The following TENM1 variants were observed in gnomAD, a reference collection of about 807,000 sequenced individuals.
The protein encoded by TENM1 is teneurin transmembrane protein 1.
A neutral mutation model predicts 174.8 loss-of-function variants in TENM1; 35 were observed. That is an observed-to-expected ratio of 0.20 (90% CI 0.15 to 0.27). TENM1 has a LOEUF of 0.27. Ranked by LOEUF, TENM1 falls within the 10% of genes least tolerant of loss-of-function variation. The probability of loss-of-function intolerance (pLI) is 1.00; values close to 1 mark genes in which losing one functional copy is unlikely to be tolerated. For missense variants in TENM1, 1,633 were observed against 2,130.1 expected (o/e 0.77, Z 4.59); for synonymous variants, 781 against 798.7 (o/e 0.98, Z 0.37).
chrX:124,488,215 C>T (rs1428146030), intron 20 of TENM1, among the ~76,000 whole-genome samples: 1 of 111,952 alleles, frequency 8.9e-6, no homozygotes, highest in Middle Eastern at 4.2e-3. Context: ...GTCAAGTCTG[C>T]CCAGAATTAA....
intron 4 of TENM1, among the ~76,000 whole-genome samples, chrX:124,717,856 C>G: frequency 8.9e-6 from 1 of 111,958 alleles, no homozygotes; most frequent in Admixed American, 9.5e-5. Context: ...GACATCTGAT[C>G]TAGAAGAAAA....
intron 4 of TENM1, among the ~76,000 whole-genome samples, chrX:124,734,139 G>GAAAGA (rs200773301): frequency 0.031 from 3,424 of 111,127 alleles, 70 homozygotes; most frequent in Non-Finnish European, 0.041. Flanking sequence ...AATTAAAAAA[G>GAAAGA]AAAGAAAAGA....
intron 1 of TENM1, among the ~76,000 whole-genome samples, chrX:124,939,544 A>G (rs147369198): frequency 2.1e-3 from 230 of 111,783 alleles, no homozygotes; most frequent in Middle Eastern, 9.2e-3. Flanking sequence ...AATGATTACT[A>G]TAAGAAAAGG....
At chrX:124,748,326 T>G (rs970270112) in intron 3 of TENM1, among the ~76,000 whole-genome samples, 1 of 110,118 alleles carries the variant, frequency 9.1e-6, no homozygotes, top group Non-Finnish European at 1.9e-5. Context: ...ACAAAATGGG[T>G]TGCATGTCAA....
intron 21 of TENM1, among the ~76,000 whole-genome samples, chrX:124,482,333 A>G (rs761669166): frequency 2.4e-4 from 26 of 109,458 alleles, no homozygotes; most frequent in Middle Eastern, 9.2e-3. Context: ...ACATATCCAA[A>G]ACAGAAGTTA....
chrX:124,902,823 C>A (rs1005433477), intron 1 of TENM1, among the ~76,000 whole-genome samples: 17 of 112,350 alleles, frequency 1.5e-4, no homozygotes, highest in African/African-American at 4.5e-4. Context: ...AATTTAATTT[C>A]CTCCTTTCTT....
intron 5 of TENM1, among the ~76,000 whole-genome samples, chrX:124,681,209 C>T (rs185981937): frequency 1.5e-4 from 17 of 111,160 alleles, no homozygotes; most frequent in African/African-American, 5.5e-4. Context: ...TCACAGTTAA[C>T]GTTAAGGAGC....
At chrX:124,586,022 C>A (rs941833781) in intron 11 of TENM1, among the ~76,000 whole-genome samples, 17 of 110,350 alleles carry the variant, frequency 1.5e-4, no homozygotes, top group South Asian at 3.8e-4. Context: ...CAATAACAGG[C>A]TCTGAAATTG....
intron 1 of TENM1, among the ~76,000 whole-genome samples, chrX:124,940,605 C>A (rs1437991263): frequency 9.0e-6 from 1 of 111,217 alleles, no homozygotes; most frequent in Admixed American, 9.6e-5. Flanking sequence ...CCCTGCAACC[C>A]TACTACCACT....
chrX:124,384,813 C>T, exon 30 of TENM1: 1 of 1,206,256 alleles, frequency 8.3e-7, no homozygotes, highest in Middle Eastern at 2.3e-4. Flanking sequence ...TTCACAAGGC[C>T]TTCTTCACTG....
At chrX:124,901,164 A>C (rs978926783) in intron 1 of TENM1, among the ~76,000 whole-genome samples, 2 of 111,488 alleles carry the variant, frequency 1.8e-5, no homozygotes, top group African/African-American at 6.5e-5. Flanking sequence ...CATCAAATTT[A>C]GGAGGGAAAC....
chrX:124,451,558 T>G (rs769347628), intron 23 of TENM1, among the ~76,000 whole-genome samples: 152 of 112,073 alleles, frequency 1.4e-3, no homozygotes, highest in Non-Finnish European at 2.3e-3. Flanking sequence ...GAGCCCGCAT[T>G]GTCAAGTCAA....
At chrX:124,997,113 A>G in the TENM1 span, among the ~76,000 whole-genome samples, 3 of 111,224 alleles carry the variant, frequency 2.7e-5, no homozygotes, top group African/African-American at 9.8e-5. Context: ...AGATTTTATG[A>G]AAGGATAAGG....
intron 11 of TENM1, among the ~76,000 whole-genome samples, chrX:124,603,311 C>T (rs1221555960): frequency 1.8e-5 from 2 of 111,852 alleles, no homozygotes; most frequent in Non-Finnish European, 3.8e-5. Flanking sequence ...GTTATCAAGA[C>T]CTCATGATGC....
chrX:124,454,193 T>C (rs2061076691), intron 22 of TENM1, among the ~76,000 whole-genome samples: 2 of 111,643 alleles, frequency 1.8e-5, no homozygotes, highest in Middle Eastern at 4.6e-3. Context: ...AATACCCCAC[T>C]TACAACTAAT....
intron 16 of TENM1, among the ~76,000 whole-genome samples, chrX:124,527,180 A>G (rs1191144508): frequency 8.9e-6 from 1 of 111,992 alleles, no homozygotes; most frequent in Non-Finnish European, 1.9e-5. Flanking sequence ...TACAGTAGAC[A>G]CTCATAAACA....
chrX:124,824,776 A>AC (rs1321646385), intron 3 of TENM1, among the ~76,000 whole-genome samples: 2 of 111,728 alleles, frequency 1.8e-5, no homozygotes, highest in Admixed American at 9.5e-5. Flanking sequence ...TCAGAGGAGG[A>AC]TATCATTTTG....
chrX:124,901,074 G>A, intron 1 of TENM1, among the ~76,000 whole-genome samples: 1 of 111,473 alleles, frequency 9.0e-6, no homozygotes, highest in African/African-American at 3.3e-5. Flanking sequence ...TTACAGGCAT[G>A]AGCCACTATG....
At chrX:125,022,738 A>G in the TENM1 span, among the ~76,000 whole-genome samples, 6 of 111,582 alleles carry the variant, frequency 5.4e-5, no homozygotes, top group African/African-American at 2.0e-4. Context: ...AAAAAAGACA[A>G]TATTTCCCCC....
Sources: allele counts gnomAD v4.1 joint callset (sites outside exome capture counted in the v4.1 genomes callset), GRCh38; gene constraint gnomAD v4.1.1; transcripts MANE v1.5; gene names NCBI Gene and HGNC (gene_info 2026-07-23, HGNC 2026-07-21).